FER1L6: variants seen among roughly 807,000 people sequenced by gnomAD.
FER1L6 encodes the protein fer-1-like protein 6.
FER1L6 carries 177 observed loss-of-function variants against 219.2 expected under a neutral mutation model. The observed-to-expected ratio is 0.81, with a 90% confidence interval of 0.71 to 0.91. The LOEUF (loss-of-function observed/expected upper bound fraction) is 0.91, where lower values mean the gene tolerates loss of function less well. FER1L6 is among the 40% of genes least tolerant of loss of function. The pLI is 0.00. For missense variants in FER1L6, 2,153 were observed against 2,259.9 expected, an observed-to-expected ratio of 0.95 and a Z score of 0.96; for synonymous variants, 768 against 824.3, an observed-to-expected ratio of 0.93 and a Z score of 1.17.
chr8:123,932,536 T>C (rs989118591), intron 1 of FER1L6, among the ~76,000 whole-genome samples: 1 of 152,238 alleles, frequency 6.6e-6, no homozygotes, highest in African/African-American at 2.4e-5. Context: ...AAAATTAAGT[T>C]AACAACGGTG....
At chr8:123,865,947 C>G (rs573103520) in intron 1 of FER1L6, among the ~76,000 whole-genome samples, 2 of 151,370 alleles carry the variant, frequency 1.3e-5, no homozygotes, top group South Asian at 2.1e-4. Flanking sequence ...TCTTCTGCGT[C>G]GCTCACGCTG....
intron 33 of FER1L6, among the ~76,000 whole-genome samples, chr8:124,084,046 T>C (rs1303213435): frequency 1.3e-5 from 2 of 152,166 alleles, no homozygotes; most frequent in African/African-American, 4.8e-5. Context: ...ATTGCTTTCT[T>C]TATTTCTTTT....
chr8:123,933,159 C>T (rs942312304), intron 1 of FER1L6, among the ~76,000 whole-genome samples: 2 of 152,138 alleles, frequency 1.3e-5, no homozygotes, highest in Non-Finnish European at 2.9e-5. Context: ...GGCTGGAGGG[C>T]TCTGGACAGC....
rs147914617 is a variant in FER1L6, at chr8:123,858,764, C to T, written c.-8+6579C>T. Reference sequence around the variant, plus strand: ...TGAGAAGCAGTGGATCAGTCTCTGGCACCAAAGCTTTCAATCAATGATCAA... The same window carrying T: ...TGAGAAGCAGTGGATCAGTCTCTGGTACCAAAGCTTTCAATCAATGATCAA... On this transcript the variant is annotated intron_variant, in intron 1 of 40. Coordinates refer to ENST00000522917, the MANE Select transcript of FER1L6 (RefSeq NM_001039112.2). 5.3e-5 allele frequency among the ~76,000 whole-genome samples: 8 copies of T among 152,238 alleles called. No homozygotes were observed. The East Asian group carries it at 1.4e-3, about 26-fold the overall frequency.
At chr8:124,098,525 TCATA>T (rs1487682302) in intron 37 of FER1L6, among the ~76,000 whole-genome samples, 1 of 152,204 alleles carries the variant, frequency 6.6e-6, no homozygotes, top group Non-Finnish European at 1.5e-5. Flanking sequence ...TGATTTGCAG[TCATA>T]CCACATCTGG....
chr8:123,969,582 C>T (rs552139767), intron 5 of FER1L6, among the ~76,000 whole-genome samples: 2 of 152,160 alleles, frequency 1.3e-5, no homozygotes, highest in East Asian at 3.9e-4. Context: ...TTGACAATTC[C>T]ATTTCTCATG....
chr8:124,053,252 G>A (rs1292181997), intron 22 of FER1L6, among the ~76,000 whole-genome samples: 1 of 152,154 alleles, frequency 6.6e-6, no homozygotes, highest in Non-Finnish European at 1.5e-5. Context: ...CCCTCCTGAG[G>A]TTGACAGCAT....
At chr8:124,065,231 TA>T (rs548025271) in intron 26 of FER1L6, among the ~76,000 whole-genome samples, 104 of 143,312 alleles carry the variant, frequency 7.3e-4, no homozygotes, top group Admixed American at 8.4e-4. Flanking sequence ...CCATCTCTAC[TA>T]AAAAAAAAAA....
Position 124,021,536 on chromosome 8 carries a change from T to G in FER1L6, c.2014-14T>G. On this transcript the variant is annotated splice_polypyrimidine_tract_variant and intron_variant, in intron 16 of 40. Coordinates refer to ENST00000522917, the MANE Select transcript of FER1L6 (RefSeq NM_001039112.2). ...TCTCTCGAAAGACCCACACTGACTC[T>G]TGTCTTGTTTTAGGAAGCAATGTGC... 1 of 1,613,782 alleles carries G rather than the reference T, an allele frequency of 6.2e-7. No homozygotes were observed. Among genetic ancestry groups the G allele is most frequent in the South Asian group, 1.1e-5 (1 of 91,064 alleles).
At chr8:123,913,912 C>G (rs947557747) in intron 1 of FER1L6, among the ~76,000 whole-genome samples, 2 of 151,470 alleles carry the variant, frequency 1.3e-5, no homozygotes, top group Middle Eastern at 3.2e-3. Flanking sequence ...TGAACACACA[C>G]TAAACATTCT....
chr8:123,986,093 T>C lies in FER1L6; in HGVS notation c.1436T>C (p.Phe479Ser). The C allele has an allele frequency of 6.2e-7, 1 of 1,612,810 alleles. No individual in the cohort carries two copies. The highest frequency in any genetic ancestry group is 8.5e-7 in the Non-Finnish European group (1 of 1,178,874). ...PEIVPEKNEE[F>S]LLFGAFFEAT... ...ATTGTACCAGAAAAAAATGAGGAAT[T>C]TTTACTCTTTGGAGCATTTTTTGAA... The change falls in exon 12 of 41, where the codon TTT becomes TCT. Residue 479 changes from phenylalanine to serine, a missense_variant. Physicochemically the swap from Phe to Ser is radical, Grantham distance 155 (BLOSUM62 -2). Coordinates refer to ENST00000522917, the MANE Select transcript of FER1L6 (RefSeq NM_001039112.2).
intron 13 of FER1L6, among the ~76,000 whole-genome samples, chr8:124,006,888 A>G (rs112941055): frequency 5.9e-5 from 9 of 152,304 alleles, no homozygotes; most frequent in African/African-American, 1.9e-4. Context: ...CAAACAGACA[A>G]AGGCCTTGAA....
At chr8:123,917,138 T>C (rs1337962925) in intron 1 of FER1L6, among the ~76,000 whole-genome samples, 1 of 152,228 alleles carries the variant, frequency 6.6e-6, no homozygotes, top group Admixed American at 6.5e-5. Flanking sequence ...AAGAGGGATA[T>C]AAATTCATTC....
chr8:123,951,988 A>G (rs940153378), intron 1 of FER1L6, among the ~76,000 whole-genome samples: 11 of 152,332 alleles, frequency 7.2e-5, no homozygotes, highest in Admixed American at 7.2e-4. Context: ...CAGAAGGGGA[A>G]TCTGGTGACA....
chr8:123,888,412 C>T (rs190136981), intron 1 of FER1L6, among the ~76,000 whole-genome samples: 112 of 152,230 alleles, frequency 7.4e-4, no homozygotes, highest in African/African-American at 2.4e-3. Context: ...CCACCATGCC[C>T]GGCCTGATAT....
intron 1 of FER1L6, among the ~76,000 whole-genome samples, chr8:123,893,507 T>A (rs1349590747): frequency 6.6e-6 from 1 of 152,222 alleles, no homozygotes; most frequent in Non-Finnish European, 1.5e-5. Context: ...GAGTAGACAG[T>A]ATACATATGT....
rs1471405424 is a variant in FER1L6, at chr8:123,853,654, A to T, written c.-8+1469A>T. On this transcript the variant is annotated intron_variant, in intron 1 of 40. Transcript: ENST00000522917. This position sits in a 1 kb window ranked among gnomAD's most constrained non-coding sequence, Gnocchi z 6.6. ...TACGCCTCACCACGGGCAAGCGTGG[A>T]GTAACATATTTTGAGAGAACCTATC... Among the ~76,000 whole-genome samples the T allele has an allele frequency of 1.3e-5, 2 of 152,164 alleles. No homozygotes were observed. Among genetic ancestry groups the T allele is most frequent in the African/African-American group, 4.8e-5 (2 of 41,446 alleles).
intron 1 of FER1L6, among the ~76,000 whole-genome samples, chr8:123,920,228 T>C (rs72709118): frequency 6.6e-6 from 1 of 152,246 alleles, no homozygotes; most frequent in Non-Finnish European, 1.5e-5. Flanking sequence ...GACTTGGTCA[T>C]CAGGACCACG....
At chr8:124,115,946 A>G (rs116681934) in intron 39 of FER1L6, among the ~76,000 whole-genome samples, 2 of 152,338 alleles carry the variant, frequency 1.3e-5, no homozygotes, top group Admixed American at 6.5e-5. Context: ...AAGCTATCCA[A>G]AGCCAACCCA....
Sources: gnomAD v4.1 joint callset for allele counts (sites outside exome capture counted in the v4.1 genomes callset) on GRCh38, gnomAD v4.1.1 for gene constraint, Gnocchi (gnomAD v3.1) non-coding constraint, MANE v1.5 for transcripts, NCBI Gene and HGNC (gene_info 2026-07-23, HGNC 2026-07-21) for gene names.